Variants in DHCR24 observed in about 807,000 individuals in gnomAD.
The protein encoded by DHCR24 is 24-dehydrocholesterol reductase.
Under a neutral mutation model 61.2 loss-of-function variants are expected in DHCR24, and 28 were observed. The observed-to-expected ratio is 0.46, with a 90% CI of 0.34 to 0.63. DHCR24 has a LOEUF of 0.63. DHCR24 is among the 20% of genes least tolerant of loss of function. DHCR24 has a pLI of 0.01. For missense variants in DHCR24, 538 were observed against 679.1 expected, an observed-to-expected ratio of 0.79 and a Z score of 2.31; for synonymous variants, 261 against 275.9, an observed-to-expected ratio of 0.95 and a Z score of 0.54.
In DHCR24 at chr1:54,854,254, G is replaced by A. The variant is rs1394280102; in HGVS notation, c.1021-20C>T. 2 of 1,604,206 alleles carry A rather than the reference G, an allele frequency of 1.2e-6. No individual in the cohort carries two copies. The highest frequency in any genetic ancestry group is 1.7e-4 in the Middle Eastern group (1 of 6,030). The stretch of plus-strand genomic sequence containing the variant: ...AATGTCCTGGAAAACAAAGATTAGG[G>A]TTGGAGAGAAAAAAACCAACAAGGG... On this transcript the variant is annotated intron_variant, in intron 6 of 8. Coordinates refer to ENST00000371269, the MANE Select transcript of DHCR24 (RefSeq NM_014762.4).
At chr1:54,852,614 G>A (rs1646882320) in intron 8 of DHCR24, among the ~76,000 whole-genome samples, 1 of 152,224 alleles carries the variant, frequency 6.6e-6, no homozygotes, top group African/African-American at 2.4e-5. Flanking sequence ...GTAGAGTCAG[G>A]AGTAGAGCTC....
rs372039882 is a variant in DHCR24, at chr1:54,853,421, C to T, written c.1397+13G>A. 32 of 1,614,006 alleles carry T rather than the reference C, an allele frequency of 2.0e-5. No individual in the cohort carries two copies. The African/African-American group carries it at 3.9e-4, about 20-fold the overall frequency. On this transcript the variant is annotated intron_variant, in intron 8 of 8. Coordinates refer to ENST00000371269, the MANE Select transcript of DHCR24 (RefSeq NM_014762.4). ...TCAGCTAGAGGCAACATACTATACT[C>T]TGGGCCACTCACCCATGCACGCTGC...
intron 6 of DHCR24, among the ~76,000 whole-genome samples, chr1:54,863,989 T>C (rs75193451): frequency 7.9e-5 from 12 of 152,266 alleles, no homozygotes; most frequent in African/African-American, 2.9e-4. Context: ...TGCAAGTCAA[T>C]ACCATAAACC....
chr1:54,882,748 A>C (rs1396751290), intron 2 of DHCR24, among the ~76,000 whole-genome samples: 1 of 152,178 alleles, frequency 6.6e-6, no homozygotes, highest in Non-Finnish European at 1.5e-5. Context: ...AGACAAACAA[A>C]AAGTACTGTA....
intron 2 of DHCR24, among the ~76,000 whole-genome samples, chr1:54,876,478 A>G (rs1192252094): frequency 6.6e-6 from 1 of 152,116 alleles, no homozygotes; most frequent in Non-Finnish European, 1.5e-5. Context: ...ACTTGGTGAA[A>G]CCCTGTTTCT....
intron 2 of DHCR24, among the ~76,000 whole-genome samples, chr1:54,882,884 C>T (rs1570203944): frequency 6.6e-6 from 1 of 151,894 alleles, no homozygotes; most frequent in South Asian, 2.1e-4. Context: ...AAGGGATTAC[C>T]AAGGAGCATG....
At chr1:54,886,788 G>A (rs968908335) in intron 1 of DHCR24, 101 bp downstream of exon 1, 2 of 1,407,694 alleles carry the variant, frequency 1.4e-6, no homozygotes, top group African/African-American at 3.2e-5. Context: ...AGGAAGTCCT[G>A]GCCGCCCCCG....
chr1:54,869,865 A>G (rs1031001647), intron 5 of DHCR24, among the ~76,000 whole-genome samples: 2 of 152,142 alleles, frequency 1.3e-5, no homozygotes, highest in African/African-American at 4.8e-5. Flanking sequence ...AGACCAGCCT[A>G]GCCAACACGG....
intron 2 of DHCR24, among the ~76,000 whole-genome samples, chr1:54,877,197 A>T (rs987175576): frequency 1.3e-5 from 2 of 151,798 alleles, no homozygotes; most frequent in South Asian, 4.2e-4. Flanking sequence ...GGGCCCCAAG[A>T]TTTTCCTTTC....
chr1:54,859,977 C>T (rs889633210), intron 6 of DHCR24, among the ~76,000 whole-genome samples: 8 of 152,316 alleles, frequency 5.3e-5, no homozygotes, highest in African/African-American at 1.9e-4. Flanking sequence ...AATTGCCCAC[C>T]ACCTGCTGTG....
chr1:54,854,460 A>G (rs1304517772), intron 6 of DHCR24, among the ~76,000 whole-genome samples: 1 of 152,176 alleles, frequency 6.6e-6, no homozygotes, highest in Non-Finnish European at 1.5e-5. Context: ...CGGGCTAGTT[A>G]CTTAACTTCT....
chr1:54,882,515 C>A (rs749333640), intron 2 of DHCR24, among the ~76,000 whole-genome samples: 12 of 152,220 alleles, frequency 7.9e-5, no homozygotes, highest in Admixed American at 6.5e-5. Flanking sequence ...GAAAGGAAGG[C>A]ATGTGCCCAT....
At chr1:54,878,795 A>C (rs1033934613) in intron 2 of DHCR24, among the ~76,000 whole-genome samples, 5 of 152,164 alleles carry the variant, frequency 3.3e-5, no homozygotes, top group Non-Finnish European at 5.9e-5. Flanking sequence ...GAACATAAAA[A>C]TACCCAGCTC....
chr1:54,871,622 C>T lies in DHCR24; in HGVS notation c.613-9G>A. ...AGGTCTGAGTTTTCGGACTGTGAGA[C>T]AGAATTGATGTGTTGTGAGCTGAAA... On this transcript the variant is annotated splice_polypyrimidine_tract_variant and intron_variant, in intron 4 of 8. Transcript: ENST00000371269. 1 of 1,614,130 alleles carries T rather than the reference C, an allele frequency of 6.2e-7. No individual in the cohort carries two copies. Among genetic ancestry groups the T allele is most frequent in the South Asian group, 1.1e-5 (1 of 91,062 alleles).
intron 5 of DHCR24, among the ~76,000 whole-genome samples, chr1:54,866,336 T>A (rs561428285): frequency 6.6e-6 from 1 of 151,828 alleles, no homozygotes; most frequent in Non-Finnish European, 1.5e-5. Flanking sequence ...CCACTGTTTT[T>A]AAAAAATAGG....
At chr1:54,884,188 C>A (rs973142097) in intron 1 of DHCR24, among the ~76,000 whole-genome samples, 3 of 152,160 alleles carry the variant, frequency 2.0e-5, no homozygotes, top group African/African-American at 4.8e-5. Context: ...ACGATGACAC[C>A]CTTTTTTCGA....
chr1:54,873,654 G>C (rs1323805568), intron 4 of DHCR24, among the ~76,000 whole-genome samples: 1 of 152,128 alleles, frequency 6.6e-6, no homozygotes, highest in Non-Finnish European at 1.5e-5. Flanking sequence ...TTTATGTCTT[G>C]ACCTTTTTTC....
At chr1:54,863,484 G>A (rs561628768) in intron 6 of DHCR24, among the ~76,000 whole-genome samples, 21 of 152,286 alleles carry the variant, frequency 1.4e-4, no homozygotes, top group African/African-American at 2.9e-4. Flanking sequence ...TGCTGGCTCC[G>A]AAGGCTTCTT....
intron 6 of DHCR24, among the ~76,000 whole-genome samples, chr1:54,860,362 A>C (rs1646929151): frequency 1.3e-5 from 2 of 152,066 alleles, no homozygotes; most frequent in Non-Finnish European, 2.9e-5. Flanking sequence ...CTCCATTCTC[A>C]GTCTCTTCTC....
Sources: gnomAD v4.1 joint callset for allele counts (sites outside exome capture counted in the v4.1 genomes callset) on GRCh38, gnomAD v4.1.1 for gene constraint, MANE v1.5 for transcripts, NCBI Gene and HGNC (gene_info 2026-07-23, HGNC 2026-07-21) for gene names.